POU2F1: variants seen among roughly 807,000 people sequenced by gnomAD.
The protein encoded by POU2F1 is POU class 2 homeobox 1.
A neutral mutation model predicts 84.9 loss-of-function variants in POU2F1; 16 were observed. That is an observed-to-expected ratio of 0.19 (90% CI 0.13 to 0.29). POU2F1 has a LOEUF of 0.29. POU2F1 is among the 10% of genes least tolerant of loss of function. The pLI is 1.00. For missense variants in POU2F1, 738 were observed against 942.6 expected (o/e 0.78, Z 2.84); for synonymous variants, 368 against 368.3 (o/e 1.00, Z 0.01).
At chr1:167,265,084 G>T (rs1651847691) in intron 1 of POU2F1, among the ~76,000 whole-genome samples, 1 of 152,098 alleles carries the variant, frequency 6.6e-6, no homozygotes, top group Non-Finnish European at 1.5e-5. Flanking sequence ...AAATTTCACT[G>T]GATAAAGAAT....
At chr1:167,306,850 C>T (rs1483925034) in intron 1 of POU2F1, among the ~76,000 whole-genome samples, 2 of 152,080 alleles carry the variant, frequency 1.3e-5, no homozygotes. Context: ...TGCAAAGGCC[C>T]TATTTCTCAC....
intron 9 of POU2F1, among the ~76,000 whole-genome samples, chr1:167,395,754 G>A (rs906086949): frequency 1.1e-4 from 17 of 151,992 alleles, no homozygotes; most frequent in African/African-American, 3.6e-4. Context: ...ACAGGCACAC[G>A]CCACCATACC....
intron 1 of POU2F1, among the ~76,000 whole-genome samples, chr1:167,247,722 T>C (rs1310818611): frequency 6.6e-6 from 1 of 152,194 alleles, no homozygotes; most frequent in Non-Finnish European, 1.5e-5. Context: ...AATATGTCTT[T>C]ATGACTTATT....
chr1:167,338,873 C>G (rs185721541), intron 2 of POU2F1, among the ~76,000 whole-genome samples: 18 of 152,232 alleles, frequency 1.2e-4, no homozygotes, highest in Admixed American at 9.2e-4. Context: ...TTGCAGTGAA[C>G]TTTGGTGTAC....
chr1:167,395,087 G>A (rs1648707855), intron 9 of POU2F1, among the ~76,000 whole-genome samples: 1 of 152,058 alleles, frequency 6.6e-6, no homozygotes. Context: ...ATGAATGGGT[G>A]AATCATTTAA....
intron 2 of POU2F1, among the ~76,000 whole-genome samples, chr1:167,352,535 T>C (rs936638895): frequency 1.3e-5 from 2 of 152,178 alleles, no homozygotes; most frequent in Admixed American, 1.3e-4. Context: ...GAGGCAGGGG[T>C]GCTAGACAAA....
At chr1:167,290,478 G>T (rs186372324) in intron 1 of POU2F1, among the ~76,000 whole-genome samples, 24 of 152,306 alleles carry the variant, frequency 1.6e-4, no homozygotes, top group Admixed American at 6.5e-4. Context: ...TCAAAATTTA[G>T]TAAAAGCATT....
chr1:167,314,209 A>AC (rs1266311445), intron 1 of POU2F1, among the ~76,000 whole-genome samples: 5 of 149,152 alleles, frequency 3.4e-5, no homozygotes, highest in Non-Finnish European at 7.4e-5. Context: ...GAAAAAAAAA[A>AC]AAAACAAAAC....
At chr1:167,305,121 A>G (rs557650277) in intron 1 of POU2F1, among the ~76,000 whole-genome samples, 1 of 152,264 alleles carries the variant, frequency 6.6e-6, no homozygotes, top group African/African-American at 2.4e-5. Flanking sequence ...ACCTTTCCTC[A>G]GGAATCTCAT....
chr1:167,395,693 C>A (rs1433629741), intron 9 of POU2F1, among the ~76,000 whole-genome samples: 1 of 152,102 alleles, frequency 6.6e-6, no homozygotes, highest in African/African-American at 2.4e-5. Context: ...CCGCCTTGAC[C>A]TCCTGGGCTC....
At chr1:167,318,558 G>A (rs1468020774) in intron 1 of POU2F1, among the ~76,000 whole-genome samples, 5 of 152,134 alleles carry the variant, frequency 3.3e-5, no homozygotes, top group South Asian at 2.1e-4. Context: ...TTTGAGGGCC[G>A]TATGCCTCAA....
At chr1:167,373,614 A>G (rs1428491243) in intron 5 of POU2F1, among the ~76,000 whole-genome samples, 1 of 152,218 alleles carries the variant, frequency 6.6e-6, no homozygotes, top group Non-Finnish European at 1.5e-5. Flanking sequence ...TTGGAAAAGA[A>G]ACAAATGGAG....
chr1:167,243,891 A>G (rs1571152534), intron 1 of POU2F1, among the ~76,000 whole-genome samples: 1 of 152,236 alleles, frequency 6.6e-6, no homozygotes, highest in African/African-American at 2.4e-5. Context: ...TACAGGACCC[A>G]GATTTCAGCA....
chr1:167,252,647 A>G (rs1018964555), intron 1 of POU2F1, among the ~76,000 whole-genome samples: 2 of 152,218 alleles, frequency 1.3e-5, no homozygotes, highest in African/African-American at 2.4e-5. Context: ...TGCAGCTTTT[A>G]TTATATCTGG....
chr1:167,415,450 T>C, intron 15 of POU2F1, 50 bp from the exon 16 acceptor site: 1 of 1,563,118 alleles, frequency 6.4e-7, no homozygotes, highest in Non-Finnish European at 8.7e-7. Context: ...TTCTCCAGGA[T>C]GATGTTAATG....
intron 3 of POU2F1, 116 bp from the exon 4 acceptor site, chr1:167,370,045 T>C (rs1449397881): frequency 1.2e-6 from 1 of 841,182 alleles, no homozygotes; most frequent in Non-Finnish European, 1.7e-6. Flanking sequence ...TAAGACAAAC[T>C]TCTTTGTCTT....
chr1:167,230,165 A>C (rs941057894), intron 1 of POU2F1, among the ~76,000 whole-genome samples: 2 of 152,200 alleles, frequency 1.3e-5, no homozygotes, highest in African/African-American at 2.4e-5. Context: ...AGTTTGAGAC[A>C]CATGACCTGA....
chr1:167,376,994 G>A (rs1219164360), intron 7 of POU2F1, among the ~76,000 whole-genome samples: 1 of 152,170 alleles, frequency 6.6e-6, no homozygotes, highest in Non-Finnish European at 1.5e-5. Context: ...GCTCAGATAA[G>A]TCTTCACAGT....
At chr1:167,413,141 G>A (rs761232286) in intron 15 of POU2F1, 27 bp downstream of exon 15, 5 of 1,550,362 alleles carry the variant, frequency 3.2e-6, no homozygotes, top group African/African-American at 1.4e-5. Context: ...TTCTTAATTT[G>A]GTGGCATGCA....
Sources: gnomAD v4.1 joint callset for allele counts (sites outside exome capture counted in the v4.1 genomes callset) on GRCh38, gnomAD v4.1.1 for gene constraint, MANE v1.5 for transcripts, NCBI Gene and HGNC (gene_info 2026-07-23, HGNC 2026-07-21) for gene names.